LRRC2: variants seen among roughly 807,000 people sequenced by gnomAD.
The protein encoded by LRRC2 is leucine-rich repeat-containing protein 2.
LRRC2 carries 27 observed loss-of-function variants against 40.2 expected under a neutral mutation model. That is an observed-to-expected ratio of 0.67 (90% CI 0.49 to 0.93). LRRC2 has a LOEUF of 0.93. Ranked by LOEUF, LRRC2 falls within the 40% of genes least tolerant of loss-of-function variation. The pLI is 0.00. For synonymous variants in LRRC2, 147 were observed against 158.9 expected (o/e 0.92, Z 0.56); for missense variants, 402 against 439.6 (o/e 0.91, Z 0.76).
chr3:46,560,827 C>A (rs1704922159), intron 1 of LRRC2, among the ~76,000 whole-genome samples: 1 of 152,160 alleles, frequency 6.6e-6, no homozygotes, highest in African/African-American at 2.4e-5. Flanking sequence ...ACGGTGGCAT[C>A]TCTCACTGTA....
intron 2 of LRRC2, among the ~76,000 whole-genome samples, chr3:46,546,201 A>T (rs1462194481): frequency 6.6e-6 from 1 of 152,266 alleles, no homozygotes; most frequent in Non-Finnish European, 1.5e-5. Flanking sequence ...CCAAGGCAGT[A>T]TATACACTAA....
chr3:46,554,951 G>C (rs1393570639), intron 1 of LRRC2, among the ~76,000 whole-genome samples: 1 of 152,074 alleles, frequency 6.6e-6, no homozygotes, highest in Non-Finnish European at 1.5e-5. Context: ...GGTGTGAAGA[G>C]GTATCTTGTT....
At chr3:46,532,609 A>C (rs908769996) in intron 5 of LRRC2, among the ~76,000 whole-genome samples, 164 bp downstream of exon 5, 1 of 152,244 alleles carries the variant, frequency 6.6e-6, no homozygotes, top group Non-Finnish European at 1.5e-5. Flanking sequence ...CACCTCAAAA[A>C]AAAAGAAGTT....
intron 1 of LRRC2, among the ~76,000 whole-genome samples, chr3:46,562,368 T>C (rs1704962788): frequency 6.6e-6 from 1 of 152,190 alleles, no homozygotes; most frequent in Non-Finnish European, 1.5e-5. Context: ...CACAACTTCA[T>C]GAGACCCTAA....
At chr3:46,545,803 T>C (rs984658627) in intron 2 of LRRC2, among the ~76,000 whole-genome samples, 2 of 152,204 alleles carry the variant, frequency 1.3e-5, no homozygotes, top group Non-Finnish European at 2.9e-5. Flanking sequence ...ATCCATAGCT[T>C]ATCCCCCAGC....
intron 6 of LRRC2, among the ~76,000 whole-genome samples, chr3:46,528,734 T>TA (rs1704106897): frequency 6.6e-6 from 1 of 151,844 alleles, no homozygotes; most frequent in African/African-American, 2.4e-5. Flanking sequence ...GTACCAGGAA[T>TA]AAAAAAAAGT....
Position 46,558,038 on chromosome 3 carries a change from C to T in LRRC2, c.-19-6428G>A, listed in dbSNP as rs529847026. The T allele has an allele frequency of 7.5e-4, 114 of 152,370 alleles. 1 individual carries two copies. The highest frequency in any genetic ancestry group is 3.4e-3 in the Middle Eastern group (1 of 294). The allele number at this position is 152,370 out of a possible 1,614,324, so 9.4% of individuals were successfully genotyped here. Reference sequence around the variant, plus strand: ...GTGGGCTGCACAAGGGCTCTGTGTTCTGGCTCAAGAGAGCTGTAGAAAGGT... The same window carrying T: ...GTGGGCTGCACAAGGGCTCTGTGTTTTGGCTCAAGAGAGCTGTAGAAAGGT... On this transcript the variant is annotated intron_variant, in intron 1 of 8. Coordinates refer to ENST00000395905, the MANE Select transcript of LRRC2 (RefSeq NM_024512.5).
rs1703898326 is a variant in LRRC2 at position 46,518,174 on chromosome 3, T to G, written c.*840A>C. ...GCCTTTGTTTCTTCAAGGCCTAGATTGTACCTACAAGTCTCTCCTGGGAGT... is the reference window on the plus strand; with the variant it reads ...GCCTTTGTTTCTTCAAGGCCTAGATGGTACCTACAAGTCTCTCCTGGGAGT... On this transcript the variant is annotated 3_prime_UTR_variant, in exon 9 of 9. Coordinates refer to ENST00000395905, the MANE Select transcript of LRRC2 (RefSeq NM_024512.5). 1 of 152,206 alleles carries G rather than the reference T, an allele frequency of 6.6e-6. No homozygotes were observed. The highest frequency in any genetic ancestry group is 1.5e-5 in the Non-Finnish European group (1 of 68,062). The allele number at this position is 152,206 out of a possible 1,614,324, so 9.4% of individuals were successfully genotyped here.
chr3:46,542,754 T>C (rs1030316468), intron 3 of LRRC2, among the ~76,000 whole-genome samples: 2 of 151,872 alleles, frequency 1.3e-5, no homozygotes, highest in Non-Finnish European at 2.9e-5. Flanking sequence ...GGTTGGAAAA[T>C]AAAATTGAGG....
At chr3:46,565,816 G>A (rs1412874383) in intron 1 of LRRC2, among the ~76,000 whole-genome samples, 4 of 152,228 alleles carry the variant, frequency 2.6e-5, no homozygotes, top group African/African-American at 7.2e-5. Flanking sequence ...ATCTCCCCTG[G>A]ACAGCGCTTT....
chr3:46,557,581 A>G (rs747907092), intron 1 of LRRC2: 1 of 152,172 alleles, frequency 6.6e-6, no homozygotes, highest in Admixed American at 6.5e-5. Context: ...TTTTATTTCA[A>G]TTATTGTCTT....
At chr3:46,527,657 A>G in intron 6 of LRRC2, 76 bp from the exon 7 acceptor site, 1 of 1,261,568 alleles carries the variant, frequency 7.9e-7, no homozygotes, top group Non-Finnish European at 1.1e-6. Context: ...TTACAAATAA[A>G]TTCTAACAGG....
At chr3:46,547,979 A>G (rs1704566361) in intron 2 of LRRC2, among the ~76,000 whole-genome samples, 1 of 152,226 alleles carries the variant, frequency 6.6e-6, no homozygotes, top group South Asian at 2.1e-4. Context: ...AACTTCTGTT[A>G]GAAGCAATAC....
intron 6 of LRRC2, among the ~76,000 whole-genome samples, chr3:46,528,840 G>A (rs1446958682): frequency 3.3e-5 from 5 of 152,046 alleles, no homozygotes; most frequent in East Asian, 3.9e-4. Flanking sequence ...GGCCAGGCAC[G>A]GTGGCTCATG....
At chr3:46,531,626 T>C (rs1417785886) in intron 5 of LRRC2, among the ~76,000 whole-genome samples, 3 of 152,144 alleles carry the variant, frequency 2.0e-5, no homozygotes, top group Non-Finnish European at 1.5e-5. Flanking sequence ...TGTGTGAAGA[T>C]TGAGCCATTG....
Position 46,530,026 on chromosome 3 carries a change from A to G in LRRC2, c.652T>C (p.Phe218Leu). ...AACTTGTTTGCTGAGATATCTACAA[A>G]TGTAACTTGCTTCAAATTACTTAAC... is the stretch of plus-strand genomic sequence containing the variant. ...FELSNLKQVT[F>L]VDISANKFSS... Residue 218 changes from phenylalanine to leucine, a missense_variant, in exon 6 of 9, where the codon TTT becomes CTT. Physicochemically the swap from Phe to Leu is conservative, Grantham distance 22. Coordinates refer to ENST00000395905, the MANE Select transcript of LRRC2 (RefSeq NM_024512.5). 2 of 1,613,280 alleles carry G rather than the reference A, an allele frequency of 1.2e-6. No homozygotes were observed. The highest frequency in any genetic ancestry group is 1.7e-6 in the Non-Finnish European group (2 of 1,179,264).
chr3:46,523,214 T>C (rs1298057658), intron 7 of LRRC2, among the ~76,000 whole-genome samples: 1 of 152,202 alleles, frequency 6.6e-6, no homozygotes, highest in Non-Finnish European at 1.5e-5. Context: ...GAAATATACC[T>C]ACATTTTATC....
intron 1 of LRRC2, among the ~76,000 whole-genome samples, chr3:46,554,987 C>G (rs1233330853): frequency 6.6e-6 from 1 of 152,160 alleles, no homozygotes; most frequent in African/African-American, 2.4e-5. Context: ...TTCCTGATGA[C>G]TAATGATGTT....
intron 1 of LRRC2, among the ~76,000 whole-genome samples, chr3:46,555,073 T>G (rs768927107): frequency 1.3e-5 from 2 of 152,238 alleles, no homozygotes; most frequent in African/African-American, 2.4e-5. Context: ...CTTTCCCCTT[T>G]TTTAATTGGG....
Sources: allele counts gnomAD v4.1 joint callset (sites outside exome capture counted in the v4.1 genomes callset), GRCh38; gene constraint gnomAD v4.1.1; transcripts MANE v1.5; gene names NCBI Gene and HGNC (gene_info 2026-07-23, HGNC 2026-07-21).